SLIT3: variants seen among roughly 807,000 people sequenced by gnomAD.
SLIT3 encodes slit guidance ligand 3.
A neutral mutation model predicts 184.0 loss-of-function variants in SLIT3; 68 were observed. The observed-to-expected ratio is 0.37, with a 90% CI of 0.30 to 0.45. The LOEUF is 0.45. Ranked by LOEUF, SLIT3 falls within the 20% of genes least tolerant of loss-of-function variation. The pLI, the probability that SLIT3 is intolerant of heterozygous loss-of-function variation, is 1.00. For missense variants in SLIT3, 1,707 were observed against 2,026.0 expected, an observed-to-expected ratio of 0.84 and a Z score of 3.02; for synonymous variants, 831 against 828.6, an observed-to-expected ratio of 1.00 and a Z score of -0.05.
intron 20 of SLIT3, among the ~76,000 whole-genome samples, chr5:168,733,635 G>A (rs1005882873): frequency 6.6e-6 from 1 of 151,956 alleles, no homozygotes; most frequent in Non-Finnish European, 1.5e-5. Flanking sequence ...TCAAGGGTTG[G>A]GATGCAAGGG....
chr5:168,737,394 C>T (rs17841975), intron 20 of SLIT3, among the ~76,000 whole-genome samples: 2,542 of 152,268 alleles, frequency 0.017, 32 homozygotes, highest in Non-Finnish European at 0.026. Context: ...TGCATCTCAG[C>T]CCTGTGCCCT....
At chr5:169,141,117 T>C (rs773571006) in intron 4 of SLIT3, among the ~76,000 whole-genome samples, 12 of 152,204 alleles carry the variant, frequency 7.9e-5, no homozygotes, top group Non-Finnish European at 1.3e-4. Flanking sequence ...ATGCTACCTG[T>C]TCCAAGAAGA....
intron 4 of SLIT3, among the ~76,000 whole-genome samples, chr5:169,141,525 T>G (rs1474467811): frequency 6.8e-6 from 1 of 146,638 alleles, no homozygotes. Flanking sequence ...AGATCACGAG[T>G]TCAGGAGATC....
At chr5:169,046,753 T>C (rs1757636452) in intron 4 of SLIT3, among the ~76,000 whole-genome samples, 1 of 152,094 alleles carries the variant, frequency 6.6e-6, no homozygotes, top group African/African-American at 2.4e-5. Flanking sequence ...TTCTTGAGAG[T>C]ATTATGAGCC....
intron 4 of SLIT3, among the ~76,000 whole-genome samples, chr5:169,129,826 T>TTTTTTTG (rs1554100669): frequency 5.3e-5 from 8 of 151,014 alleles, no homozygotes; most frequent in Non-Finnish European, 8.8e-5. Context: ...TGGTGGTTTT[T>TTTTTTTG]TTTGTTTGTT....
chr5:169,218,269 T>C (rs17735570), intron 3 of SLIT3, among the ~76,000 whole-genome samples: 23,101 of 152,210 alleles, frequency 0.15, 2,094 homozygotes, highest in East Asian at 0.44. Flanking sequence ...ACCTTCGCCA[T>C]GAATTGGTAA....
At position 168,748,489 on chromosome 5, in the gene SLIT3, G is replaced by C. The variant is rs1034052977; in HGVS notation, c.2138-55C>G. 6 of 1,473,884 alleles carry C rather than the reference G, an allele frequency of 4.1e-6. No homozygotes were observed. The African/African-American group carries it at 8.9e-5, about 22-fold the overall frequency. 91.3% of individuals were successfully genotyped at this position (1,473,884 alleles called of 1,614,324 possible). On this transcript the variant is annotated intron_variant, in intron 19 of 35. Coordinates refer to ENST00000519560, the MANE Select transcript of SLIT3 (RefSeq NM_003062.4). ...TGTGGGAGATAAGCCCCACTAGGGG[G>C]AGCCAGTGAGCAAGGCTGCGTGTTC...
chr5:169,234,846 ATT>A (rs1013649799), intron 3 of SLIT3, among the ~76,000 whole-genome samples: 4 of 152,288 alleles, frequency 2.6e-5, no homozygotes, highest in Admixed American at 2.0e-4. Context: ...TGTTGCTCAC[ATT>A]TTATTTTTTT....
intron 16 of SLIT3, among the ~76,000 whole-genome samples, chr5:168,760,235 A>C (rs1020211730): frequency 6.6e-6 from 1 of 152,184 alleles, no homozygotes; most frequent in African/African-American, 2.4e-5. Flanking sequence ...CTGGTGCACC[A>C]ACATCATTCT....
chr5:168,948,634 T>C (rs1171987514), intron 4 of SLIT3, among the ~76,000 whole-genome samples: 1 of 152,146 alleles, frequency 6.6e-6, no homozygotes, highest in Admixed American at 6.5e-5. Flanking sequence ...CAATTGTATT[T>C]TTTTCCCCCA....
At position 168,932,309 on chromosome 5, in the gene SLIT3, T is replaced by C. The variant is rs74549407; in HGVS notation, c.414-48973A>G. On this transcript the variant is annotated intron_variant, in intron 4 of 35. Coordinates refer to ENST00000519560, the MANE Select transcript of SLIT3 (RefSeq NM_003062.4). ...CACTATATATTTCAAATCATTCTTC[T>C]GGACCAGATAAAAAGAGGAAAGGGA... Among the ~76,000 whole-genome samples, 1,694 of 146,924 alleles carry C rather than the reference T, an allele frequency of 0.012. 48 individuals carry two copies. The East Asian group carries it at 0.12, about 11-fold the overall frequency.
At chr5:168,767,360 T>C (rs1018412104) in intron 14 of SLIT3, among the ~76,000 whole-genome samples, 1 of 152,192 alleles carries the variant, frequency 6.6e-6, no homozygotes, top group African/African-American at 2.4e-5. Flanking sequence ...CACAGTCTTC[T>C]GGTTACACTG....
At chr5:169,126,168 C>G (rs190501155) in intron 4 of SLIT3, among the ~76,000 whole-genome samples, 1 of 152,244 alleles carries the variant, frequency 6.6e-6, no homozygotes, top group Non-Finnish European at 1.5e-5. Flanking sequence ...CCTTGTAGGA[C>G]TATCTTCCTT....
intron 13 of SLIT3, 132 bp from the exon 14 acceptor site, chr5:168,773,076 CT>C: frequency 1.1e-6 from 1 of 907,972 alleles, no homozygotes; most frequent in Non-Finnish European, 1.6e-6. Flanking sequence ...CCCAGGAAGC[CT>C]TAGGGGGTGC....
intron 4 of SLIT3, among the ~76,000 whole-genome samples, chr5:169,181,937 G>A (rs979518958): frequency 1.3e-5 from 2 of 152,154 alleles, no homozygotes; most frequent in African/African-American, 4.8e-5. Flanking sequence ...CCCTTTATCT[G>A]GAGAAACGTT....
intron 1 of SLIT3, among the ~76,000 whole-genome samples, chr5:169,272,166 G>T (rs1007509436): frequency 2.6e-5 from 4 of 152,224 alleles, no homozygotes; most frequent in Admixed American, 6.5e-5. Context: ...GGACAGGAGA[G>T]AAATGGACCT....
At chr5:168,890,212 T>C (rs1226674172) in intron 4 of SLIT3, among the ~76,000 whole-genome samples, 6 of 151,848 alleles carry the variant, frequency 4.0e-5, no homozygotes, top group Non-Finnish European at 4.4e-5. Flanking sequence ...AGAAAGCTTG[T>C]CTCTAAACTC....
intron 5 of SLIT3, among the ~76,000 whole-genome samples, chr5:168,881,876 G>A (rs1759967226): frequency 6.6e-6 from 1 of 152,166 alleles, no homozygotes; most frequent in Admixed American, 6.5e-5. Flanking sequence ...TTCTTTGTGG[G>A]TGTGGCTGCT....
At chr5:169,173,596 C>T (rs187768623) in intron 4 of SLIT3, among the ~76,000 whole-genome samples, 6 of 152,174 alleles carry the variant, frequency 3.9e-5, no homozygotes, top group Non-Finnish European at 7.3e-5. Context: ...CTAATCTGGG[C>T]AGTTACCACA....
Sources: gnomAD v4.1 joint callset for allele counts (sites outside exome capture counted in the v4.1 genomes callset) on GRCh38, gnomAD v4.1.1 for gene constraint, MANE v1.5 for transcripts, NCBI Gene and HGNC (gene_info 2026-07-23, HGNC 2026-07-21) for gene names.